Variants in SIMC1 observed in about 807,000 individuals in gnomAD.
SIMC1 encodes SUMO-interacting motif-containing protein 1.
SIMC1 carries 55 observed loss-of-function variants against 82.3 expected under a neutral mutation model. That is an observed-to-expected ratio of 0.67 (90% CI 0.54 to 0.84). The LOEUF is 0.84. Ranked by LOEUF, SIMC1 falls within the 40% of genes least tolerant of loss-of-function variation. SIMC1 has a pLI of 0.00. For missense variants in SIMC1, 915 were observed against 1,107.2 expected (o/e 0.83, Z 2.46); for synonymous variants, 353 against 426.3 (o/e 0.83, Z 2.12).
chr5:176,249,843 C>CAA (rs66752759), intron 1 of SIMC1, among the ~76,000 whole-genome samples: 11,955 of 81,658 alleles, frequency 0.15, 1,191 homozygotes, highest in Middle Eastern at 0.25. Context: ...GATTCCGTCT[C>CAA]AAAAAAAAAA....
intron 1 of SIMC1, among the ~76,000 whole-genome samples, chr5:176,257,768 A>G (rs1761893883): frequency 6.6e-6 from 1 of 152,164 alleles, no homozygotes; most frequent in Non-Finnish European, 1.5e-5. Flanking sequence ...GAATTTTAGA[A>G]TAATTTTGTC....
chr5:176,314,240 CT>C (rs1290606018), intron 5 of SIMC1, among the ~76,000 whole-genome samples: 2 of 152,114 alleles, frequency 1.3e-5, no homozygotes, highest in African/African-American at 4.8e-5. Context: ...GTACTCCAGC[CT>C]GGGTGACAGA....
At chr5:176,269,452 A>G (rs1421494854) in intron 1 of SIMC1, among the ~76,000 whole-genome samples, 2 of 152,280 alleles carry the variant, frequency 1.3e-5, no homozygotes, top group Non-Finnish European at 2.9e-5. Context: ...AACACAAGTC[A>G]TAAAACTAAC....
At chr5:176,273,416 C>A (rs964955987) in intron 1 of SIMC1, among the ~76,000 whole-genome samples, 1 of 152,160 alleles carries the variant, frequency 6.6e-6, no homozygotes, top group African/African-American at 2.4e-5. Context: ...ACATTCACAC[C>A]AAAACCCCAT....
chr5:176,315,023 T>C (rs1199448148), intron 5 of SIMC1, among the ~76,000 whole-genome samples: 1 of 152,222 alleles, frequency 6.6e-6, no homozygotes, highest in Non-Finnish European at 1.5e-5. Context: ...GTGCATTAAA[T>C]GTGTTTTCAA....
chr5:176,251,129 A>T (rs996214487), intron 1 of SIMC1, among the ~76,000 whole-genome samples: 14 of 152,152 alleles, frequency 9.2e-5, no homozygotes, highest in African/African-American at 2.9e-4. Context: ...TGGGAGGCCG[A>T]GGTGGGCAGA....
intron 1 of SIMC1, among the ~76,000 whole-genome samples, chr5:176,242,193 T>TA (rs2113095016): frequency 1.3e-5 from 2 of 152,192 alleles, no homozygotes; most frequent in East Asian, 3.9e-4. Context: ...CAGATGTCTG[T>TA]GGTAGTAGGA....
intron 5 of SIMC1, 46 bp from the exon 6 acceptor site, chr5:176,322,227 A>T (rs1315172921): frequency 9.9e-6 from 15 of 1,507,752 alleles, no homozygotes; most frequent in Admixed American, 2.4e-5. Context: ...TTTTTTCTGC[A>T]CAGAAAAAGA....
intron 1 of SIMC1, among the ~76,000 whole-genome samples, chr5:176,256,532 T>A (rs936794550): frequency 2.0e-5 from 3 of 152,210 alleles, no homozygotes; most frequent in Non-Finnish European, 2.9e-5. Context: ...ATTTAATTTC[T>A]TGCCTTATTT....
At chr5:176,269,267 GATAA>G (rs1762327696) in intron 1 of SIMC1, among the ~76,000 whole-genome samples, 1 of 152,004 alleles carries the variant, frequency 6.6e-6, no homozygotes, top group Non-Finnish European at 1.5e-5. Context: ...CAATAAAGTT[GATAA>G]ATATCTAGCT....
At chr5:176,325,552 G>T (rs1199593632) in intron 7 of SIMC1, among the ~76,000 whole-genome samples, 2 of 151,758 alleles carry the variant, frequency 1.3e-5, no homozygotes, top group African/African-American at 2.4e-5. Flanking sequence ...CGGGTGTGGT[G>T]GTAGGCGCCT....
chr5:176,337,533 G>A (rs2113412678), intron 9 of SIMC1, among the ~76,000 whole-genome samples: 1 of 152,326 alleles, frequency 6.6e-6, no homozygotes, highest in South Asian at 2.1e-4. Flanking sequence ...GGCAGAGGTT[G>A]CAGTGAGCCA....
At position 176,290,366 on chromosome 5, in the gene SIMC1, ACT is replaced by A. The variant is rs1763498376; in HGVS notation, c.847_848del (p.Leu283GlyfsTer38). On this transcript the variant is annotated frameshift_variant, in exon 2 of 10. Coordinates refer to ENST00000429602, the MANE Select transcript of SIMC1 (RefSeq NM_001308195.2). LOFTEE classifies it high-confidence loss of function. ...CAGAATATCCCAGGCCCACCTCAAG[ACT>A]CTCTGGGCCTACCTCAAGATGTGCC... The A allele has an allele frequency of 3.7e-6, 6 of 1,613,604 alleles. No homozygotes were observed. Among genetic ancestry groups the A allele is most frequent in the African/African-American group, 1.3e-5 (1 of 74,844 alleles).
At chr5:176,293,853 G>A (rs1763687985) in intron 2 of SIMC1, among the ~76,000 whole-genome samples, 1 of 151,978 alleles carries the variant, frequency 6.6e-6, no homozygotes, top group African/African-American at 2.4e-5. Context: ...GTGTGTTATG[G>A]AAAAATTGAA....
At chr5:176,334,642 C>T (rs1765807150) in intron 7 of SIMC1, among the ~76,000 whole-genome samples, 1 of 152,216 alleles carries the variant, frequency 6.6e-6, no homozygotes, top group Admixed American at 6.5e-5. Context: ...ATTCTAGACA[C>T]CTCAGCTGTC....
intron 7 of SIMC1, among the ~76,000 whole-genome samples, chr5:176,331,985 C>CAA (rs900323234): frequency 6.6e-6 from 1 of 151,460 alleles, no homozygotes; most frequent in Non-Finnish European, 1.5e-5. Context: ...AACAAACAAA[C>CAA]ACAAACTTTG....
rs998171123 is a variant in SIMC1, at chr5:176,277,112, G to A, written c.130-12542G>A. On this transcript the variant is annotated intron_variant, in intron 1 of 9. Coordinates refer to ENST00000429602, the MANE Select transcript of SIMC1 (RefSeq NM_001308195.2). ...CTCCACATCCTCTCCAGCACCTGTC[G>A]TTTCCTGACTTTTTAATGATTGCCA... is the stretch of plus-strand genomic sequence containing the variant. 8.0e-3 allele frequency among the ~76,000 whole-genome samples: 1,214 copies of A among 151,914 alleles called. 30 individuals are homozygous for A. Among genetic ancestry groups the A allele is most frequent in the African/African-American group, 0.025 (1,027 of 41,282 alleles).
chr5:176,245,948 A>G (rs1204865808), intron 1 of SIMC1, among the ~76,000 whole-genome samples: 1 of 150,706 alleles, frequency 6.6e-6, no homozygotes, highest in African/African-American at 2.4e-5. Context: ...CTTTTGTGGT[A>G]CTTATCAGGC....
In SIMC1 at chr5:176,298,495, G is replaced by A. The variant is rs186561409; in HGVS notation, c.1734+2175G>A. Among the ~76,000 whole-genome samples, 58 of 152,302 alleles carry A rather than the reference G, an allele frequency of 3.8e-4. 1 individual carries two copies. Among genetic ancestry groups the A allele is most frequent in the African/African-American group, 1.3e-3 (55 of 41,554 alleles). ...CTAAAAATATAAACATTAGCTGGGT[G>A]TGGTGGTGCATGCCTGCAGTCTCAG... On this transcript the variant is annotated intron_variant, in intron 4 of 9. Transcript: ENST00000429602.
Sources: allele counts gnomAD v4.1 joint callset (sites outside exome capture counted in the v4.1 genomes callset), GRCh38; gene constraint gnomAD v4.1.1; transcripts MANE v1.5; gene names NCBI Gene and HGNC (gene_info 2026-07-23, HGNC 2026-07-21).